The following LRRTM4 variants were observed in gnomAD, a reference collection of about 807,000 sequenced individuals.
LRRTM4 encodes the protein leucine-rich repeat transmembrane neuronal protein 4.
In LRRTM4, 25 loss-of-function variants were observed where a neutral mutation model predicts 47.6. The observed-to-expected ratio is 0.53, with a 90% confidence interval of 0.38 to 0.73. LRRTM4 has a LOEUF of 0.73. Ranked by LOEUF, LRRTM4 falls within the 30% of genes least tolerant of loss-of-function variation. The pLI, the probability that LRRTM4 is intolerant of heterozygous loss-of-function variation, is 0.00. For synonymous variants in LRRTM4, 311 were observed against 269.5 expected (o/e 1.15, Z -1.51); for missense variants, 638 against 713.4 (o/e 0.89, Z 1.20).
chr2:76,902,598 G>T (rs1012879846), intron 3 of LRRTM4, among the ~76,000 whole-genome samples: 4 of 152,174 alleles, frequency 2.6e-5, no homozygotes, highest in Non-Finnish European at 4.4e-5. Context: ...AGCCTTATAA[G>T]ACCAGAGGCT....
At chr2:77,238,840 T>A (rs1573123013) in intron 3 of LRRTM4, among the ~76,000 whole-genome samples, 3 of 151,828 alleles carry the variant, frequency 2.0e-5, no homozygotes, top group South Asian at 4.2e-4. Context: ...CAAACCAGGG[T>A]ACTATATTCA....
At chr2:76,789,883 C>CT (rs781697921) in intron 3 of LRRTM4, among the ~76,000 whole-genome samples, 19 of 152,196 alleles carry the variant, frequency 1.2e-4, no homozygotes, top group Middle Eastern at 6.8e-3. Context: ...CAGCACTCTT[C>CT]TTTTTTATCT....
chr2:77,153,403 G>T (rs1573014476), intron 3 of LRRTM4, among the ~76,000 whole-genome samples: 1 of 152,178 alleles, frequency 6.6e-6, no homozygotes, highest in Non-Finnish European at 1.5e-5. Context: ...ATTTTGCAAA[G>T]CTCCCAAGTT....
At chr2:77,067,360 A>G (rs1450285240) in intron 3 of LRRTM4, among the ~76,000 whole-genome samples, 1 of 152,116 alleles carries the variant, frequency 6.6e-6, no homozygotes, top group Non-Finnish European at 1.5e-5. Context: ...ATTAGAGAAA[A>G]GTACCCCTAG....
intron 3 of LRRTM4, among the ~76,000 whole-genome samples, chr2:77,481,947 C>T (rs1395586011): frequency 6.6e-6 from 1 of 151,010 alleles, no homozygotes; most frequent in Non-Finnish European, 1.5e-5. Flanking sequence ...CACCACTTCT[C>T]TCAGCAGGCA....
intron 3 of LRRTM4, among the ~76,000 whole-genome samples, chr2:77,285,521 C>A (rs938611052): frequency 6.6e-6 from 1 of 151,546 alleles, no homozygotes; most frequent in African/African-American, 2.4e-5. Context: ...GCGGGCAGAT[C>A]GCCTGAGGTC....
chr2:77,460,336 G>A (rs1000142883), intron 3 of LRRTM4, among the ~76,000 whole-genome samples: 17 of 152,048 alleles, frequency 1.1e-4, no homozygotes, highest in Admixed American at 9.8e-4. Context: ...AGACTAAGAC[G>A]AGGCTGAATT....
chr2:77,026,815 C>T (rs576540854), intron 3 of LRRTM4, among the ~76,000 whole-genome samples: 78 of 152,010 alleles, frequency 5.1e-4, no homozygotes, highest in Non-Finnish European at 9.7e-4. Flanking sequence ...TGTAGAAATA[C>T]ACATGTATTC....
chr2:77,176,691 C>G (rs1431331511), intron 3 of LRRTM4, among the ~76,000 whole-genome samples: 1 of 152,140 alleles, frequency 6.6e-6, no homozygotes, highest in African/African-American at 2.4e-5. Context: ...CTTTTATCTA[C>G]TGTGTGACAA....
chr2:77,050,514 A>T (rs1157150574), intron 3 of LRRTM4, among the ~76,000 whole-genome samples: 1 of 152,188 alleles, frequency 6.6e-6, no homozygotes, highest in Non-Finnish European at 1.5e-5. Flanking sequence ...GAATACTTCT[A>T]TAAGGAATTA....
intron 3 of LRRTM4, among the ~76,000 whole-genome samples, chr2:77,478,918 G>A (rs907546496): frequency 2.0e-4 from 31 of 151,496 alleles, no homozygotes; most frequent in Admixed American, 6.6e-4. Context: ...TTTTTGAGAC[G>A]AAGTCTCACT....
chr2:76,998,448 G>C (rs1055754493), intron 3 of LRRTM4, among the ~76,000 whole-genome samples: 7 of 151,854 alleles, frequency 4.6e-5, no homozygotes, highest in African/African-American at 1.5e-4. Flanking sequence ...TAATCAATTT[G>C]AGTGCTGCTT....
At chr2:77,220,003 C>A (rs948133253) in intron 3 of LRRTM4, among the ~76,000 whole-genome samples, 94 of 152,094 alleles carry the variant, frequency 6.2e-4, no homozygotes, top group African/African-American at 2.2e-3. Flanking sequence ...TCCTCTGAGA[C>A]AAAACTTCCA....
intron 3 of LRRTM4, among the ~76,000 whole-genome samples, chr2:77,488,341 T>G (rs1463243605): frequency 6.6e-6 from 1 of 152,196 alleles, no homozygotes; most frequent in African/African-American, 2.4e-5. Flanking sequence ...CTGGCAAGCC[T>G]GGTTGTGTGC....
chr2:77,054,885 T>C (rs1429055829), intron 3 of LRRTM4, among the ~76,000 whole-genome samples: 1 of 152,154 alleles, frequency 6.6e-6, no homozygotes, highest in African/African-American at 2.4e-5. Context: ...TTTTGACCAA[T>C]CTATCATTTC....
chr2:77,429,146 C>T (rs971702496), intron 3 of LRRTM4, among the ~76,000 whole-genome samples: 2 of 152,078 alleles, frequency 1.3e-5, no homozygotes, highest in Non-Finnish European at 2.9e-5. Context: ...GAAGAACTCA[C>T]GGAGCTGTGT....
chr2:76,756,371 G>A (rs1034644375), intron 3 of LRRTM4, among the ~76,000 whole-genome samples: 6 of 152,020 alleles, frequency 3.9e-5, no homozygotes, highest in South Asian at 2.1e-4. Flanking sequence ...TGCCTGTAAC[G>A]TTTGCTTCCC....
intron 3 of LRRTM4, among the ~76,000 whole-genome samples, chr2:77,398,243 A>G (rs997021573): frequency 6.6e-6 from 1 of 151,926 alleles, no homozygotes; most frequent in Non-Finnish European, 1.5e-5. Context: ...GCATCAATTT[A>G]CAATACGTCT....
rs1573291051 is a variant in LRRTM4 at position 76,905,582 on chromosome 2, G to T, written c.1552-156666C>A. The stretch of plus-strand genomic sequence containing the variant: ...GGAGGAAATTCAAACCAAAGGCAAA[G>T]AAGTTAAAAACTTTGAAAAAAATTT... On this transcript the variant is annotated intron_variant, in intron 3 of 3. Transcript: ENST00000409884. Among the ~76,000 whole-genome samples, 5 of 151,464 alleles carry T rather than the reference G, an allele frequency of 3.3e-5. No homozygotes were observed. In the South Asian group the frequency reaches 8.3e-4, roughly 25 times the overall value.
Sources: gnomAD v4.1 joint callset for allele counts (sites outside exome capture counted in the v4.1 genomes callset) on GRCh38, gnomAD v4.1.1 for gene constraint, MANE v1.5 for transcripts, NCBI Gene and HGNC (gene_info 2026-07-23, HGNC 2026-07-21) for gene names.